Variants in ZNF827 observed in about 807,000 individuals in gnomAD.
The protein encoded by ZNF827 is zinc finger protein 827.
ZNF827 carries 13 observed loss-of-function variants against 102.4 expected under a neutral mutation model. The ratio of observed to expected loss-of-function variants is 0.13; its 90% CI spans 0.08 to 0.20. The LOEUF is 0.20. ZNF827 is among the 10% of genes least tolerant of loss of function. ZNF827 has a pLI of 1.00. For missense variants in ZNF827, 1,103 were observed against 1,344.4 expected (o/e 0.82, Z 2.81); for synonymous variants, 523 against 536.2 (o/e 0.98, Z 0.34).
intron 3 of ZNF827, among the ~76,000 whole-genome samples, chr4:145,888,420 T>G (rs897127329): frequency 6.6e-6 from 1 of 152,238 alleles, no homozygotes; most frequent in African/African-American, 2.4e-5. Context: ...CAGGCCATGT[T>G]TAGGGGCTCA....
intron 2 of ZNF827, among the ~76,000 whole-genome samples, chr4:145,892,843 CA>C (rs1299605078): frequency 6.6e-6 from 1 of 152,226 alleles, no homozygotes; most frequent in Non-Finnish European, 1.5e-5. Context: ...ACTTTGAAAA[CA>C]GTGAGAAATA....
At chr4:145,883,061 T>TAA (rs35477097) in intron 4 of ZNF827, among the ~76,000 whole-genome samples, 5 of 144,988 alleles carry the variant, frequency 3.4e-5, no homozygotes, top group Non-Finnish European at 6.1e-5. Flanking sequence ...TAAGTAAAAT[T>TAA]AAAAAAAAAA....
chr4:145,765,875 T>TGGGGGA lies in ZNF827; in HGVS notation c.2861-138_2861-137insTCCCCC. ...AGGCTCATGTCCCCAGCTCCCCCAC[T>TGGGGGA]GCTGGGGGATCCCAGGTCCTAAGGC... On this transcript the variant is annotated intron_variant, in intron 11 of 14. Transcript: ENST00000508784. The surrounding 1 kb of genome is among the most constrained non-coding windows in gnomAD (Gnocchi z 4.7). 9.8e-6 allele frequency: 8 copies of TGGGGGA among 816,830 alleles called. No homozygotes were observed. The highest frequency in any genetic ancestry group is 1.3e-5 in the Non-Finnish European group (7 of 541,420). The allele number at this position is 816,830 out of a possible 1,614,324, so 50.6% of individuals were successfully genotyped here.
At chr4:145,822,019 TAAC>T (rs2126483244) in intron 8 of ZNF827, among the ~76,000 whole-genome samples, 1 of 152,242 alleles carries the variant, frequency 6.6e-6, no homozygotes, top group African/African-American at 2.4e-5. Flanking sequence ...TCCATCAACT[TAAC>T]AGCAGGGCAA....
At chr4:145,874,954 G>A (rs1280180792) in intron 4 of ZNF827, among the ~76,000 whole-genome samples, 4 of 152,142 alleles carry the variant, frequency 2.6e-5, no homozygotes, top group Non-Finnish European at 2.9e-5. Context: ...AAACAAATCC[G>A]CTTTTTTGAG....
intron 8 of ZNF827, among the ~76,000 whole-genome samples, chr4:145,803,406 G>C (rs968188914): frequency 6.6e-6 from 1 of 151,802 alleles, no homozygotes; most frequent in East Asian, 1.9e-4. Flanking sequence ...GCTCAAGCTG[G>C]TTACCACCAA....
chr4:145,854,711 A>G (rs773554987), intron 5 of ZNF827, among the ~76,000 whole-genome samples: 1 of 152,138 alleles, frequency 6.6e-6, no homozygotes, highest in African/African-American at 2.4e-5. Context: ...ATCTTTTGTT[A>G]TGTGCTCTTT....
rs530363956 is a variant in ZNF827 at position 145,763,961 on chromosome 4, G to T, written c.3231-839C>A. Among the ~76,000 whole-genome samples, 17 of 152,126 alleles carry T rather than the reference G, an allele frequency of 1.1e-4. No homozygotes were observed. Among genetic ancestry groups the T allele is most frequent in the African/African-American group, 4.1e-4 (17 of 41,496 alleles). On this transcript the variant is annotated intron_variant, in intron 13 of 14. Transcript: ENST00000508784. This position sits in a 1 kb window ranked among gnomAD's most constrained non-coding sequence, Gnocchi z 4.6. The stretch of plus-strand genomic sequence containing the variant: ...TTTTGAGGAGGCAGGGGCCTGGGGG[G>T]ACCCAACCTGCACTGACCCCAACAC...
rs749754133 is a variant in ZNF827, at chr4:145,870,282, T to C, written c.1944A>G (p.Ser648=). 2.5e-6 allele frequency: 4 copies of C among 1,614,170 alleles called. No homozygotes were observed. The East Asian group carries it at 8.9e-5, about 36-fold the overall frequency. Residue 648 remains serine, a synonymous_variant, in exon 5 of 15, where the codon TCA becomes TCG. Coordinates refer to ENST00000508784, the MANE Select transcript of ZNF827 (RefSeq NM_001306215.2). ...GKGSVLRRDV[S]VKAASELLMK... Reference sequence around the variant, plus strand: ...TGAGAAGTTCAGAGGCTGCTTTGACTGACACATCCCGCCTTAGCACACTTC... The same window carrying C: ...TGAGAAGTTCAGAGGCTGCTTTGACCGACACATCCCGCCTTAGCACACTTC...
intron 1 of ZNF827, among the ~76,000 whole-genome samples, chr4:145,924,123 A>G (rs984004652): frequency 6.6e-6 from 1 of 152,274 alleles, no homozygotes; most frequent in African/African-American, 2.4e-5. Flanking sequence ...AAAGGTAACC[A>G]TTGAATGAAA....
At chr4:145,805,938 C>T (rs573801757) in intron 8 of ZNF827, among the ~76,000 whole-genome samples, 6 of 151,992 alleles carry the variant, frequency 3.9e-5, no homozygotes, top group African/African-American at 1.2e-4. Flanking sequence ...GACCATTCTA[C>T]CTTATGTGAC....
intron 5 of ZNF827, among the ~76,000 whole-genome samples, chr4:145,856,719 ACACACC>A (rs1427535660): frequency 4.1e-5 from 5 of 122,562 alleles, no homozygotes; most frequent in African/African-American, 6.5e-5. Flanking sequence ...ACACACACAC[ACACACC>A]CCATTTCACT....
At chr4:145,920,837 C>T (rs1753011830) in intron 1 of ZNF827, among the ~76,000 whole-genome samples, 1 of 152,212 alleles carries the variant, frequency 6.6e-6, no homozygotes, top group Non-Finnish European at 1.5e-5. Context: ...CAGCTCTTTA[C>T]TTCTCCCTTC....
chr4:145,780,855 T>C (rs5009279), intron 8 of ZNF827, among the ~76,000 whole-genome samples: 111,943 of 152,122 alleles, frequency 0.74, 42,024 homozygotes, highest in Non-Finnish European at 0.81. Context: ...CTGGACACCA[T>C]GTGGTGATAA....
intron 7 of ZNF827, among the ~76,000 whole-genome samples, chr4:145,823,789 C>T (rs1743397034): frequency 1.3e-5 from 2 of 152,246 alleles, no homozygotes; most frequent in East Asian, 1.9e-4. Context: ...CTGTTAAACC[C>T]GTAGAGGAGG....
intron 2 of ZNF827, among the ~76,000 whole-genome samples, chr4:145,895,883 A>G (rs140754843): frequency 1.1e-3 from 161 of 152,312 alleles, no homozygotes; most frequent in Middle Eastern, 3.4e-3. Flanking sequence ...CTCTTGAGGC[A>G]ATAGGATTGA....
chr4:145,823,898 A>G (rs1743409152), intron 7 of ZNF827, among the ~76,000 whole-genome samples: 1 of 152,190 alleles, frequency 6.6e-6, no homozygotes, highest in Non-Finnish European at 1.5e-5. Context: ...TTTTCCCGGT[A>G]GAGATGGAAT....
At position 145,775,798 on chromosome 4, in the gene ZNF827, TAAG is replaced by T; in HGVS notation, c.2681_2683del (p.Pro894_Tyr895delinsHis). The stretch of plus-strand genomic sequence containing the variant: ...TCCATCTGCAACTCACCTGTAATAA[TAAG>T]GATGTTTCTTCCCATCACTGCCTTC... On this transcript the variant is annotated inframe_deletion, in exon 10 of 15. Transcript: ENST00000508784. 2 of 1,614,136 alleles carry T rather than the reference TAAG, an allele frequency of 1.2e-6. No homozygotes were observed. Among genetic ancestry groups the T allele is most frequent in the Non-Finnish European group, 1.7e-6 (2 of 1,180,032 alleles).
chr4:145,773,819 C>T (rs1166271136), intron 11 of ZNF827, among the ~76,000 whole-genome samples: 1 of 152,134 alleles, frequency 6.6e-6, no homozygotes, highest in Non-Finnish European at 1.5e-5. Context: ...TTAAGGAGAG[C>T]GTCAGGGCTG....
Sources: gnomAD v4.1 joint callset for allele counts (sites outside exome capture counted in the v4.1 genomes callset) on GRCh38, gnomAD v4.1.1 for gene constraint, Gnocchi (gnomAD v3.1) non-coding constraint, MANE v1.5 for transcripts, NCBI Gene and HGNC (gene_info 2026-07-23, HGNC 2026-07-21) for gene names.